Variants in ARAP2 observed in about 807,000 individuals in gnomAD.
ARAP2 encodes arf-GAP with Rho-GAP domain, ANK repeat and PH domain-containing protein 2.
A neutral mutation model predicts 194.5 loss-of-function variants in ARAP2; 148 were observed. The observed-to-expected ratio is 0.76, with a 90% CI of 0.67 to 0.87. ARAP2 has a LOEUF of 0.87. Ranked by LOEUF, ARAP2 falls within the 40% of genes least tolerant of loss-of-function variation. The pLI, the probability that ARAP2 is intolerant of heterozygous loss-of-function variation, is 0.00. For synonymous variants in ARAP2, 695 were observed against 683.5 expected (o/e 1.02, Z -0.26); for missense variants, 2,128 against 1,989.7 (o/e 1.07, Z -1.32).
At chr4:36,111,653 C>T (rs557132897) in intron 26 of ARAP2, among the ~76,000 whole-genome samples, 2 of 152,034 alleles carry the variant, frequency 1.3e-5, no homozygotes, top group Admixed American at 1.3e-4. Flanking sequence ...CCAATTCAGT[C>T]TTAGCATTGT....
intron 15 of ARAP2, 116 bp from the exon 16 acceptor site, chr4:36,151,160 C>T: frequency 1.1e-6 from 1 of 925,248 alleles, no homozygotes; most frequent in East Asian, 2.7e-5. Flanking sequence ...TATTAATTTC[C>T]TATTTCACAT....
chr4:36,237,816 G>A (rs75142271), intron 1 of ARAP2, among the ~76,000 whole-genome samples: 3,122 of 152,226 alleles, frequency 0.021, 67 homozygotes, highest in African/African-American at 0.05. Context: ...AATAGGTACC[G>A]TGTTATTTGC....
intron 28 of ARAP2, among the ~76,000 whole-genome samples, chr4:36,090,437 C>G (rs1343577647): frequency 2.0e-5 from 3 of 152,058 alleles, no homozygotes; most frequent in African/African-American, 7.2e-5. Context: ...CAAAACCTGA[C>G]AGAGATACAA....
At chr4:36,035,568 C>T (rs1719760182) in intron 5 of ARAP2, among the ~76,000 whole-genome samples, 2 of 152,002 alleles carry the variant, frequency 1.3e-5, no homozygotes, top group Admixed American at 6.6e-5. Flanking sequence ...GTGTATGTGC[C>T]TATTTACATC....
chr4:36,176,938 G>C (rs1350401699), intron 9 of ARAP2, among the ~76,000 whole-genome samples: 2 of 151,816 alleles, frequency 1.3e-5, no homozygotes, highest in Admixed American at 6.6e-5. Flanking sequence ...ATCATAAAAT[G>C]AGTTCATCTT....
chr4:36,052,420 G>A (rs1038302551), intron 2 of ARAP2, among the ~76,000 whole-genome samples: 3 of 152,172 alleles, frequency 2.0e-5, no homozygotes, highest in African/African-American at 7.2e-5. Context: ...AGCAACGCAT[G>A]CAGGAAACCG....
chr4:36,216,102 G>A (rs1370008982), intron 2 of ARAP2, among the ~76,000 whole-genome samples: 1 of 148,734 alleles, frequency 6.7e-6, no homozygotes, highest in African/African-American at 2.5e-5. Flanking sequence ...AAAAAACAAC[G>A]AAAATTAGCT....
chr4:36,068,089 G>C lies in ARAP2; in HGVS notation c.4933C>G (p.Leu1645Val), dbSNP rs1344749703. The C allele has an allele frequency of 1.9e-6, 3 of 1,614,116 alleles. No homozygotes were observed. The change falls in exon 33 of 33, where the codon CTT becomes GTT. Residue 1645 changes from leucine (L) to valine (V), a missense_variant. Physicochemically the swap from Leu to Val is conservative, Grantham distance 32 (BLOSUM62 1). Transcript: ENST00000303965. ...CCTTTATGGCCTTTTGGTTGCCCAA[G>C]TGGGGCTTCAGGCTCTGTGTCCTCC... is the stretch of plus-strand genomic sequence containing the variant. ...CLEDTEPEAP[L>V]GQPKGHKGLK...
intron 31 of ARAP2, among the ~76,000 whole-genome samples, chr4:36,078,499 T>C (rs1260212644): frequency 6.6e-6 from 1 of 152,172 alleles, no homozygotes; most frequent in African/African-American, 2.4e-5. Flanking sequence ...TTAACATATA[T>C]ATAAATATTT....
Position 36,155,539 on chromosome 4 carries a change from T to C in ARAP2, c.2752+3191A>G, listed in dbSNP as rs543851964. ...GTTCCAGGAATAAGGAGGAAACCAG[T>C]GCAGCCAGGCAAGTAACCATGTAGA... is the stretch of plus-strand genomic sequence containing the variant. On this transcript the variant is annotated intron_variant, in intron 15 of 32. Transcript: ENST00000303965. 3.9e-5 allele frequency among the ~76,000 whole-genome samples: 6 copies of C among 152,150 alleles called. No homozygotes were observed. The South Asian group carries it at 1.0e-3, about 26-fold the overall frequency.
chr4:36,244,739 A>T (rs949844645), upstream of ARAP2, among the ~76,000 whole-genome samples: 2 of 152,098 alleles, frequency 1.3e-5, no homozygotes, highest in Non-Finnish European at 2.9e-5. Context: ...GCCCAGAGCG[A>T]CAGGGGCATT....
At chr4:36,228,059 T>C (rs75419049) in intron 2 of ARAP2, among the ~76,000 whole-genome samples, 3 of 152,328 alleles carry the variant, frequency 2.0e-5, no homozygotes, top group Non-Finnish European at 4.4e-5. Context: ...ATGTGACTTC[T>C]ATACGAGACT....
chr4:36,044,991 C>T (rs1293968790), intron 5 of ARAP2, among the ~76,000 whole-genome samples: 4 of 151,804 alleles, frequency 2.6e-5, no homozygotes, highest in African/African-American at 9.7e-5. Flanking sequence ...AAAGTAAAAC[C>T]ACAACAAGTT....
intron 30 of ARAP2, among the ~76,000 whole-genome samples, chr4:36,080,709 T>C (rs766718842): frequency 1.3e-5 from 2 of 152,176 alleles, no homozygotes; most frequent in Non-Finnish European, 2.9e-5. Context: ...ATCATTGTAA[T>C]TGTAAACACT....
At chr4:36,019,402 G>T (rs6531406) in intron 5 of ARAP2, 1 of 148,946 alleles carries the variant, frequency 6.7e-6, no homozygotes, top group Non-Finnish European at 1.5e-5. Context: ...AAACAAAGCA[G>T]GCATAGTTCA....
intron 2 of ARAP2, among the ~76,000 whole-genome samples, chr4:36,223,173 A>G (rs1161755118): frequency 6.6e-6 from 1 of 152,140 alleles, no homozygotes; most frequent in African/African-American, 2.4e-5. Flanking sequence ...GCGGAGTTTC[A>G]AAAAAGGGAA....
chr4:36,210,801 T>C (rs1746592767), intron 5 of ARAP2, 58 bp from the exon 6 acceptor site: 1 of 1,248,868 alleles, frequency 8.0e-7, no homozygotes, highest in Non-Finnish European at 1.1e-6. Context: ...AAGACATCAG[T>C]GACATTTTGA....
chr4:36,061,848 C>A (rs542933677), downstream of ARAP2, among the ~76,000 whole-genome samples: 8 of 152,104 alleles, frequency 5.3e-5, no homozygotes, highest in Non-Finnish European at 1.0e-4. Context: ...ACAATTTTAA[C>A]TTAGGTGAGA....
chr4:36,058,002 A>G (rs1350723956), exon 2 of ARAP2: 2 of 151,444 alleles, frequency 1.3e-5, no homozygotes, highest in Non-Finnish European at 2.9e-5. Flanking sequence ...GAGGCTGATG[A>G]TCCTGATCCA....
Sources: gnomAD v4.1 joint callset for allele counts (sites outside exome capture counted in the v4.1 genomes callset) on GRCh38, gnomAD v4.1.1 for gene constraint, MANE v1.5 for transcripts, NCBI Gene and HGNC (gene_info 2026-07-23, HGNC 2026-07-21) for gene names.